Variants in PPP1R1C observed in about 807,000 individuals in gnomAD.
The protein encoded by PPP1R1C is protein phosphatase 1 regulatory inhibitor subunit 1C.
Under a neutral mutation model 17.4 loss-of-function variants are expected in PPP1R1C, and 15 were observed. That is an observed-to-expected ratio of 0.86 (90% CI 0.58 to 1.33). PPP1R1C has a LOEUF of 1.33. Among genes scored for constraint, PPP1R1C ranks in the 40% most tolerant of loss-of-function variants. PPP1R1C has a pLI of 0.00. For synonymous variants in PPP1R1C, 35 were observed against 43.1 expected, an observed-to-expected ratio of 0.81 and a Z score of 0.73; for missense variants, 143 against 130.0, an observed-to-expected ratio of 1.10 and a Z score of -0.48.
intron 4 of PPP1R1C, among the ~76,000 whole-genome samples, chr2:182,070,743 G>A (rs1688115610): frequency 1.3e-5 from 2 of 152,168 alleles, no homozygotes; most frequent in African/African-American, 4.8e-5. Context: ...AAGAAAAGAG[G>A]TTTAATTGGC....
intron 2 of PPP1R1C, among the ~76,000 whole-genome samples, chr2:182,041,778 A>G (rs1435613092): frequency 4.6e-5 from 7 of 152,252 alleles, no homozygotes. Context: ...ATGTTCTTTC[A>G]TGTGTTAATA....
intron 2 of PPP1R1C, among the ~76,000 whole-genome samples, chr2:181,997,509 A>G (rs1329684950): frequency 6.6e-6 from 1 of 152,238 alleles, no homozygotes; most frequent in East Asian, 1.9e-4. Context: ...ATTAAAAACC[A>G]ACAGATTAAA....
intron 2 of PPP1R1C, among the ~76,000 whole-genome samples, chr2:181,979,418 A>G (rs899688470): frequency 1.3e-4 from 20 of 152,308 alleles, no homozygotes; most frequent in Admixed American, 9.2e-4. Flanking sequence ...AGATTTTTAT[A>G]CATCCTCAGA....
chr2:182,116,889 G>C (rs1335529463), intron 4 of PPP1R1C, among the ~76,000 whole-genome samples: 4 of 152,150 alleles, frequency 2.6e-5, no homozygotes, highest in African/African-American at 9.7e-5. Flanking sequence ...TTTGAACTAA[G>C]TGATACATTA....
At chr2:182,035,068 T>G (rs1228246616) in intron 2 of PPP1R1C, among the ~76,000 whole-genome samples, 1 of 152,230 alleles carries the variant, frequency 6.6e-6, no homozygotes, top group East Asian at 1.9e-4. Context: ...GCTCAATAAA[T>G]GCTTTGTGAG....
At chr2:182,050,911 T>G (rs374074154) in intron 2 of PPP1R1C, among the ~76,000 whole-genome samples, 17 of 152,224 alleles carry the variant, frequency 1.1e-4, no homozygotes, top group Admixed American at 3.3e-4. Context: ...CATCCAGATT[T>G]TTATTACAGC....
At chr2:181,979,128 T>C (rs1295292267) in intron 2 of PPP1R1C, among the ~76,000 whole-genome samples, 1 of 152,240 alleles carries the variant, frequency 6.6e-6, no homozygotes, top group South Asian at 2.1e-4. Context: ...AATGAGAAAA[T>C]GTAAGGAGTA....
At chr2:182,069,655 A>G (rs559436593) in intron 4 of PPP1R1C, among the ~76,000 whole-genome samples, 2 of 152,328 alleles carry the variant, frequency 1.3e-5, no homozygotes, top group African/African-American at 4.8e-5. Flanking sequence ...CCACTTAAAC[A>G]TTGGAAAAGA....
At chr2:181,966,802 G>A (rs1220622171) in intron 1 of PPP1R1C, among the ~76,000 whole-genome samples, 1 of 152,108 alleles carries the variant, frequency 6.6e-6, no homozygotes, top group Admixed American at 6.5e-5. Context: ...TGATTTCAGG[G>A]TAATAATACT....
rs574447805 is a variant in PPP1R1C, at chr2:182,023,456, G to T, written c.142+35557G>T. On this transcript the variant is annotated intron_variant, in intron 2 of 4. Transcript: ENST00000682840. ...TGAGGGCAAAGACAATCCAACATAA[G>T]GACAATTGGTGTCACCCTTGGCAAC... Among the ~76,000 whole-genome samples, 16 of 151,450 alleles carry T rather than the reference G, an allele frequency of 1.1e-4. No homozygotes were observed. In the East Asian group the frequency reaches 2.7e-3, roughly 26 times the overall value.
chr2:181,960,194 TGAAA>T (rs1684746114), intron 1 of PPP1R1C, among the ~76,000 whole-genome samples: 1 of 152,206 alleles, frequency 6.6e-6, no homozygotes. Context: ...ACGTGGTGGT[TGAAA>T]GAAAGAAAAC....
In PPP1R1C at chr2:181,992,238, T is replaced by C. The variant is rs187317357; in HGVS notation, c.142+4339T>C. On this transcript the variant is annotated intron_variant, in intron 2 of 4. Coordinates refer to ENST00000682840, the MANE Select transcript of PPP1R1C (RefSeq NM_001080545.3). ...TCAGATGTTAGAAAATGATTTCTTATACCAAACTTAAATATAAATTCCCCA... is the reference window on the plus strand; with the variant it reads ...TCAGATGTTAGAAAATGATTTCTTACACCAAACTTAAATATAAATTCCCCA... 3.1e-3 allele frequency among the ~76,000 whole-genome samples: 240 copies of C among 77,630 alleles called. 47 individuals carry two copies. The highest frequency in any genetic ancestry group is 5.4e-3 in the Non-Finnish European group (171 of 31,952). The allele number at this position is 77,630 out of a possible 152,430, so 50.9% of individuals were successfully genotyped here. A position where few individuals can be genotyped will look rare whatever the true frequency, so the allele number is the denominator to read the frequency against.
intron 1 of PPP1R1C, among the ~76,000 whole-genome samples, chr2:181,960,366 G>A (rs1684749117): frequency 6.6e-6 from 1 of 152,190 alleles, no homozygotes; most frequent in Non-Finnish European, 1.5e-5. Context: ...CTTCTATCTG[G>A]AGGCACTGTG....
intron 4 of PPP1R1C, among the ~76,000 whole-genome samples, chr2:182,091,529 G>A (rs1688781621): frequency 6.6e-6 from 1 of 152,060 alleles, no homozygotes; most frequent in South Asian, 2.1e-4. Context: ...GAATGTGCAG[G>A]GTTAAAGGAT....
chr2:182,092,824 T>C (rs1230713053), intron 4 of PPP1R1C, among the ~76,000 whole-genome samples: 1 of 152,200 alleles, frequency 6.6e-6, no homozygotes, highest in Non-Finnish European at 1.5e-5. Flanking sequence ...CTTGGGCAGC[T>C]CTATCCCTGT....
At chr2:181,969,744 T>G (rs1030172042) in intron 1 of PPP1R1C, among the ~76,000 whole-genome samples, 1 of 152,200 alleles carries the variant, frequency 6.6e-6, no homozygotes, top group Non-Finnish European at 1.5e-5. Context: ...ACTCTTAGAT[T>G]TACTATTTGA....
intron 4 of PPP1R1C, among the ~76,000 whole-genome samples, chr2:182,067,363 C>T (rs1688015256): frequency 6.6e-6 from 1 of 151,490 alleles, no homozygotes; most frequent in South Asian, 2.1e-4. Flanking sequence ...AACCCCTTCT[C>T]ATAATAAAGA....
At chr2:182,024,984 T>C (rs1241486356) in intron 2 of PPP1R1C, among the ~76,000 whole-genome samples, 1 of 149,956 alleles carries the variant, frequency 6.7e-6, no homozygotes, top group Non-Finnish European at 1.5e-5. Context: ...CAATGTATGT[T>C]ATTTGGGTGA....
chr2:181,977,173 A>G (rs139915672), intron 2 of PPP1R1C, among the ~76,000 whole-genome samples: 2 of 105,914 alleles, frequency 1.9e-5, no homozygotes, highest in African/African-American at 3.8e-5. Context: ...AAAAAAAAAA[A>G]GCTAGGCTAA....
Sources: allele counts gnomAD v4.1 joint callset (sites outside exome capture counted in the v4.1 genomes callset), GRCh38; gene constraint gnomAD v4.1.1; transcripts MANE v1.5; gene names NCBI Gene and HGNC (gene_info 2026-07-23, HGNC 2026-07-21).